The following RASGEF1A variants were observed in gnomAD, a reference collection of about 807,000 sequenced individuals.
RASGEF1A encodes RasGEF domain family member 1A.
RASGEF1A carries 18 observed loss-of-function variants against 56.4 expected under a neutral mutation model. The observed-to-expected ratio is 0.32, with a 90% CI of 0.22 to 0.47. The LOEUF (loss-of-function observed/expected upper bound fraction) is 0.47, where lower values mean the gene tolerates loss of function less well. Ranked by LOEUF, RASGEF1A falls within the 20% of genes least tolerant of loss-of-function variation. The pLI is 1.00. For missense variants in RASGEF1A, 422 were observed against 627.1 expected, an observed-to-expected ratio of 0.67 and a Z score of 3.49; for synonymous variants, 245 against 242.6, an observed-to-expected ratio of 1.01 and a Z score of -0.09.
intron 1 of RASGEF1A, among the ~76,000 whole-genome samples, chr10:43,230,640 C>G (rs1027779441): frequency 6.6e-6 from 1 of 152,180 alleles, no homozygotes; most frequent in Non-Finnish European, 1.5e-5. Flanking sequence ...TTGAACCTCA[C>G]AGAGAGGCTC....
chr10:43,203,069 G>A (rs1479240782), intron 3 of RASGEF1A, among the ~76,000 whole-genome samples: 1 of 67,980 alleles, frequency 1.5e-5, no homozygotes, highest in Non-Finnish European at 2.7e-5. Flanking sequence ...CCCTAGCCTT[G>A]ACCCCGACCC....
chr10:43,249,244 C>A (rs117865213), intron 1 of RASGEF1A, among the ~76,000 whole-genome samples: 1 of 152,224 alleles, frequency 6.6e-6, no homozygotes, highest in East Asian at 1.9e-4. Flanking sequence ...CTGCCCCACA[C>A]CCACACCACT....
Position 43,198,989 on chromosome 10 carries a change from C to A in RASGEF1A, c.976G>T (p.Ala326Ser). The change falls in exon 9 of 13, where the codon GCA becomes TCA. Residue 326 changes from alanine (A) to serine (S), a missense_variant. Ala to Ser is a moderately conservative substitution (Grantham distance 99, BLOSUM62 1). This residue lies in a region of RASGEF1A where 149 missense variants were observed against 287.2 expected (regional missense o/e 0.52). Transcript: ENST00000395810. ...IISGMNLSPV[A>S]RLKKTWSKVK... Reference sequence around the variant, plus strand: ...TTGGACCAAGTTTTCTTCAGCCTTGCCACAGGACTGAGGTTCATGCCAGCT... The same window carrying A: ...TTGGACCAAGTTTTCTTCAGCCTTGACACAGGACTGAGGTTCATGCCAGCT... 1 of 1,613,700 alleles carries A rather than the reference C, an allele frequency of 6.2e-7. No homozygotes were observed. The highest frequency in any genetic ancestry group is 8.5e-7 in the Non-Finnish European group (1 of 1,179,998).
rs1337105209 is a variant in RASGEF1A at position 43,205,984 on chromosome 10, G to T, written c.133C>A (p.Leu45Ile). 6.2e-7 allele frequency: 1 copy of T among 1,613,232 alleles called. No individual in the cohort carries two copies. Among genetic ancestry groups the T allele is most frequent in the Non-Finnish European group, 8.5e-7 (1 of 1,179,966 alleles). ...AGGGCCTCCAGGGACCCAGAGATGA[G>T]GTGTCCATCTTGGAAGATGAGGTCC... ...SGDLIFQDGH[L>I]ISGSLEALME... The change falls in exon 2 of 13, where the codon CTC becomes ATC. Residue 45 changes from leucine to isoleucine, a missense_variant. Around this residue, in one of 2 missense-constraint regions of RASGEF1A, gnomAD observed 273 missense variants for 339.9 expected, o/e 0.80. Coordinates refer to ENST00000395810, the MANE Select transcript of RASGEF1A (RefSeq NM_145313.4).
At chr10:43,215,561 C>T (rs1052080006) in intron 1 of RASGEF1A, among the ~76,000 whole-genome samples, 1 of 152,218 alleles carries the variant, frequency 6.6e-6, no homozygotes, top group Non-Finnish European at 1.5e-5. Context: ...ACAGAATGGG[C>T]TCTTCGCCCT....
At chr10:43,203,485 C>T in intron 2 of RASGEF1A, 65 bp from the exon 3 acceptor site, 4 of 1,457,950 alleles carry the variant, frequency 2.7e-6, no homozygotes, top group Non-Finnish European at 3.6e-6. Context: ...GCTCACCGCG[C>T]TGCTTCACCT....
intron 4 of RASGEF1A, 142 bp downstream of exon 4, chr10:43,201,666 G>T (rs748996640): frequency 1.1e-6 from 1 of 881,010 alleles, no homozygotes; most frequent in Non-Finnish European, 1.6e-6. Flanking sequence ...AAGGGAGGTT[G>T]AATGGGGCCA....
chr10:43,195,439 T>A lies in RASGEF1A; in HGVS notation c.*805A>T, dbSNP rs1465246916. On this transcript the variant is annotated 3_prime_UTR_variant, in exon 13 of 13. Coordinates refer to ENST00000395810, the MANE Select transcript of RASGEF1A (RefSeq NM_145313.4). The surrounding 1 kb of genome is among the most constrained non-coding windows in gnomAD (Gnocchi z 4.2). ...CACCACCCTGGAGTCGGCCATGTATTTTTCTTCATCACAGCTCAGTGTGTC... is the reference window on the plus strand; with the variant it reads ...CACCACCCTGGAGTCGGCCATGTATATTTCTTCATCACAGCTCAGTGTGTC... 6.6e-6 allele frequency: 1 copy of A among 152,202 alleles called. No homozygotes were observed. Among genetic ancestry groups the A allele is most frequent in the Non-Finnish European group, 1.5e-5 (1 of 68,034 alleles). The allele number at this position is 152,202 out of a possible 1,614,324, so 9.4% of individuals were successfully genotyped here. A position where few individuals can be genotyped will look rare whatever the true frequency, so the allele number is the denominator to read the frequency against.
In RASGEF1A at chr10:43,218,820, G is replaced by A. The variant is rs532877346; in HGVS notation, c.-6-12698C>T. 6.6e-5 allele frequency among the ~76,000 whole-genome samples: 10 copies of A among 152,394 alleles called. No homozygotes were observed. The South Asian group carries it at 1.2e-3, about 19-fold the overall frequency. On this transcript the variant is annotated intron_variant, in intron 1 of 12. Coordinates refer to ENST00000395810, the MANE Select transcript of RASGEF1A (RefSeq NM_145313.4). ...CCGCTCCAGAGGCCTGGCCACAGGC[G>A]CGACGCGGATAATTAAAGCTTTGTT...
chr10:43,238,309 C>CT (rs199634763), intron 1 of RASGEF1A, among the ~76,000 whole-genome samples: 582 of 152,298 alleles, frequency 3.8e-3, no homozygotes, highest in Non-Finnish European at 6.2e-3. Context: ...TGAGACCTGT[C>CT]TTCAGGAGGG....
At chr10:43,198,798 A>C (rs1762586529) in intron 9 of RASGEF1A, 135 bp downstream of exon 9, 1 of 803,270 alleles carries the variant, frequency 1.2e-6, no homozygotes, top group Non-Finnish European at 2.1e-6. Context: ...ATGCCAGGCC[A>C]GCTCAGCCAG....
At chr10:43,200,337 G>A (rs1039414720) in intron 5 of RASGEF1A, 81 bp from the exon 6 acceptor site, 15 of 1,265,418 alleles carry the variant, frequency 1.2e-5, no homozygotes, top group African/African-American at 1.5e-5. Context: ...CGGACAGGGA[G>A]AGGAGGAGCT....
chr10:43,263,996 G>A (rs903519794), intron 1 of RASGEF1A, among the ~76,000 whole-genome samples: 1 of 152,060 alleles, frequency 6.6e-6, no homozygotes, highest in African/African-American at 2.4e-5. Flanking sequence ...CATGGTGCCT[G>A]GAGCAGCCTC....
chr10:43,253,764 C>T (rs1355761274), intron 1 of RASGEF1A, among the ~76,000 whole-genome samples: 3 of 152,252 alleles, frequency 2.0e-5, no homozygotes, highest in Admixed American at 6.5e-5. Flanking sequence ...AGAGGCAGGC[C>T]GGCCAGCGCC....
intron 1 of RASGEF1A, among the ~76,000 whole-genome samples, chr10:43,212,321 T>C: frequency 6.6e-6 from 1 of 152,188 alleles, no homozygotes; most frequent in East Asian, 1.9e-4. Flanking sequence ...TTCCGTGAGC[T>C]CTGATCTCAG....
At chr10:43,230,616 A>C (rs1162670198) in intron 1 of RASGEF1A, among the ~76,000 whole-genome samples, 1 of 152,186 alleles carries the variant, frequency 6.6e-6, no homozygotes, top group Non-Finnish European at 1.5e-5. Flanking sequence ...AGGGAGGAGC[A>C]GGGTATGCTC....
At chr10:43,208,025 G>A in intron 1 of RASGEF1A, 1 of 981,292 alleles carries the variant, frequency 1.0e-6, no homozygotes, top group Non-Finnish European at 1.2e-6. Flanking sequence ...GGCCCAGGGT[G>A]GCACTCAGTG....
chr10:43,264,756 G>A (rs571634389), intron 1 of RASGEF1A, among the ~76,000 whole-genome samples: 11 of 152,064 alleles, frequency 7.2e-5, no homozygotes, highest in African/African-American at 2.4e-4. Context: ...ACCCCCAGCA[G>A]CCCAGCGCCC....
chr10:43,214,887 G>C (rs184563471), intron 1 of RASGEF1A, among the ~76,000 whole-genome samples: 1 of 152,132 alleles, frequency 6.6e-6, no homozygotes, highest in African/African-American at 2.4e-5. Flanking sequence ...AGACAGCCCG[G>C]AGAGGCCCGT....
Sources: allele counts gnomAD v4.1 joint callset (sites outside exome capture counted in the v4.1 genomes callset), GRCh38; gene constraint gnomAD v4.1.1; regional missense constraint gnomAD v4.1.1; non-coding constraint Gnocchi (gnomAD v3.1); transcripts MANE v1.5; gene names NCBI Gene and HGNC (gene_info 2026-07-23, HGNC 2026-07-21).